The following NIBAN2 variants were observed in gnomAD, a reference collection of about 807,000 sequenced individuals.
NIBAN2 encodes the protein niban apoptosis regulator 2.
In NIBAN2, 36 loss-of-function variants were observed where a neutral mutation model predicts 81.8. That is an observed-to-expected ratio of 0.44 (90% CI 0.34 to 0.58). The LOEUF is 0.58. Ranked by LOEUF, NIBAN2 falls within the 20% of genes least tolerant of loss-of-function variation. The pLI is 0.02. For synonymous variants in NIBAN2, 445 were observed against 441.6 expected, an observed-to-expected ratio of 1.01 and a Z score of -0.10; for missense variants, 897 against 1,014.1, an observed-to-expected ratio of 0.88 and a Z score of 1.57.
Position 127,559,890 on chromosome 9 carries a change from T to C in NIBAN2, c.55+8930A>G, listed in dbSNP as rs987313168. ...TAACAGTGGATGAACCAGGAGCCGA[T>C]GCTCCCTAAGCACAAAGAGCTAAGG... is the stretch of plus-strand genomic sequence containing the variant. On this transcript the variant is annotated intron_variant, in intron 1 of 13. Transcript: ENST00000373312. This position sits in a 1 kb window ranked among gnomAD's most constrained non-coding sequence, Gnocchi z 4.0. 3.3e-5 allele frequency among the ~76,000 whole-genome samples: 5 copies of C among 152,156 alleles called. No homozygotes were observed. The highest frequency in any genetic ancestry group is 6.5e-5 in the Admixed American group (1 of 15,268).
At chr9:127,576,352 G>A (rs997491742) in intron 1 of NIBAN2, among the ~76,000 whole-genome samples, 1 of 152,136 alleles carries the variant, frequency 6.6e-6, no homozygotes, top group South Asian at 2.1e-4. Context: ...TTCCAGGAAG[G>A]GGGTGCCTTA....
At chr9:127,542,355 G>C (rs992609067) in intron 1 of NIBAN2, among the ~76,000 whole-genome samples, 1 of 152,156 alleles carries the variant, frequency 6.6e-6, no homozygotes, top group Non-Finnish European at 1.5e-5. Context: ...CCTCCTGGTG[G>C]GTAAAGGTCT....
rs567553484 is a variant in NIBAN2 at position 127,551,576 on chromosome 9, C to T, written c.55+17244G>A. ...ATAAATAAATACAAAATTAGCCAGG[C>T]GTGGTGCACATGCCTGTAGTCTCAG... is the stretch of plus-strand genomic sequence containing the variant. On this transcript the variant is annotated intron_variant, in intron 1 of 13. Coordinates refer to ENST00000373312, the MANE Select transcript of NIBAN2 (RefSeq NM_022833.4). Among the ~76,000 whole-genome samples the T allele has an allele frequency of 3.3e-5, 5 of 150,222 alleles. No individual in the cohort carries two copies. In the South Asian group the frequency reaches 8.5e-4, roughly 26 times the overall value.
In NIBAN2 at chr9:127,508,850, G is replaced by A. The variant is rs1836669778; in HGVS notation, c.1317+126C>T. On this transcript the variant is annotated intron_variant, in intron 10 of 13. Coordinates refer to ENST00000373312, the MANE Select transcript of NIBAN2 (RefSeq NM_022833.4). The surrounding 1 kb of genome is among the most constrained non-coding windows in gnomAD (Gnocchi z 6.4). ...GGCACAGATGTTCCAAGCAGAGGAG[G>A]AGAGAGCGTGCCAGGCAAGCGTGGC... 3.7e-6 allele frequency: 4 copies of A among 1,077,670 alleles called. No individual in the cohort carries two copies. In the South Asian group the frequency reaches 5.2e-5, roughly 14 times the overall value. The allele number at this position is 1,077,670 out of a possible 1,614,324, so 66.8% of individuals were successfully genotyped here.
chr9:127,565,764 G>A lies in NIBAN2; in HGVS notation c.55+3056C>T, dbSNP rs192533835. 8.3e-3 allele frequency among the ~76,000 whole-genome samples: 1,069 copies of A among 128,740 alleles called. 15 individuals carry two copies. The highest frequency in any genetic ancestry group is 0.03 in the African/African-American group (1,006 of 33,054). The allele number at this position is 128,740 out of a possible 152,430, so 84.5% of individuals were successfully genotyped here. A position where few individuals can be genotyped will look rare whatever the true frequency, so the allele number is the denominator to read the frequency against. ...TGCCACTGGACTCCAGCCTGGGACAGAGAGTGAGACTCTGTCTCAAAAAAA... is the reference window on the plus strand; with the variant it reads ...TGCCACTGGACTCCAGCCTGGGACAAAGAGTGAGACTCTGTCTCAAAAAAA... On this transcript the variant is annotated intron_variant, in intron 1 of 13. Coordinates refer to ENST00000373312, the MANE Select transcript of NIBAN2 (RefSeq NM_022833.4).
At chr9:127,561,903 C>T (rs1353379607) in intron 1 of NIBAN2, among the ~76,000 whole-genome samples, 3 of 152,232 alleles carry the variant, frequency 2.0e-5, no homozygotes, top group African/African-American at 7.2e-5. Context: ...TGCCCAGCAG[C>T]GTCTACAGAA....
chr9:127,569,853 A>G (rs999707483), upstream of NIBAN2, among the ~76,000 whole-genome samples: 2 of 152,230 alleles, frequency 1.3e-5, no homozygotes, highest in Non-Finnish European at 2.9e-5. Context: ...AAATCAGAAA[A>G]GGAAAAAGCA....
At chr9:127,574,981 C>T (rs1432897008) in intron 1 of NIBAN2, among the ~76,000 whole-genome samples, 2 of 152,236 alleles carry the variant, frequency 1.3e-5, no homozygotes. Flanking sequence ...TCCCTGCCTC[C>T]AGCCCCCCAT....
chr9:127,574,675 C>G (rs1419261782), intron 1 of NIBAN2, among the ~76,000 whole-genome samples: 1 of 152,130 alleles, frequency 6.6e-6, no homozygotes, highest in Non-Finnish European at 1.5e-5. Context: ...AGAAAAAAAA[C>G]AAACACCTCC....
chr9:127,507,156 G>A lies in NIBAN2; in HGVS notation c.1930C>T (p.Pro644Ser), dbSNP rs1467060235. The A allele has an allele frequency of 4.3e-6, 7 of 1,610,392 alleles. No individual in the cohort carries two copies. The African/African-American group carries it at 6.7e-5, about 15-fold the overall frequency. The change falls in exon 14 of 14, where the codon CCT (proline) becomes TCT (serine). Residue 644 changes from proline to serine, a missense_variant. Pro to Ser is a moderately conservative substitution (Grantham distance 74, BLOSUM62 -1). Coordinates refer to ENST00000373312, the MANE Select transcript of NIBAN2 (RefSeq NM_022833.4). The surrounding 1 kb of genome is among the most constrained non-coding windows in gnomAD (Gnocchi z 6.8). ...PFEASPESPP[P>S]ASPDGVTEIR... is the part of the protein sequence containing the mutation. The stretch of plus-strand genomic sequence containing the variant: ...TCAGTGACACCGTCCGGGGACGCAG[G>A]TGGTGGTGACTCAGGGCTAGCCTCA...
At position 127,509,056 on chromosome 9, in the gene NIBAN2, G is replaced by A. The variant is rs757701903; in HGVS notation, c.1237C>T (p.Arg413Ter). ...AATCGCTGCTGCAGCCCGTCCAGTC[G>A]CAGCGACTCCATCTTCTCATAGCAG... is the stretch of plus-strand genomic sequence containing the variant. ...QSCYEKMESL[R>*]LDGLQQRFDV... Residue 413 changes from arginine (R) to a stop codon, truncating the protein, a stop_gained, in exon 10 of 14, where the codon CGA becomes TGA. Coordinates refer to ENST00000373312, the MANE Select transcript of NIBAN2 (RefSeq NM_022833.4). LOFTEE classifies it high-confidence loss of function. The A allele has an allele frequency of 1.9e-6, 3 of 1,613,714 alleles. No individual in the cohort carries two copies. Among genetic ancestry groups the A allele is most frequent in the Admixed American group, 1.7e-5 (1 of 59,980 alleles).
upstream of NIBAN2, among the ~76,000 whole-genome samples, chr9:127,572,673 A>C (rs1343462752): frequency 6.6e-6 from 1 of 152,066 alleles, no homozygotes; most frequent in Non-Finnish European, 1.5e-5. Context: ...TCTGCCTCCT[A>C]CTGTCCTCAC....
At position 127,527,247 on chromosome 9, in the gene NIBAN2, G is replaced by C; in HGVS notation, c.262C>G (p.Arg88Gly). ...HQEDSKKWRN[R>G]FSLVPHNYGL... is the part of the protein sequence containing the mutation. ...TAGTTGTGGGGCACGAGGCTGAAGC[G>C]GTTTCTCCACTTCTTGCTGTCCTCC... Residue 88 changes from arginine to glycine, a missense_variant, in exon 3 of 14, where the codon CGC becomes GGC. Arg to Gly is a moderately radical substitution (Grantham distance 125). Around this residue, in one of 3 missense-constraint regions of NIBAN2, gnomAD observed 209 missense variants for 208.4 expected, o/e 1.00. Transcript: ENST00000373312. 1 of 1,614,046 alleles carries C rather than the reference G, an allele frequency of 6.2e-7. No individual in the cohort carries two copies. Among genetic ancestry groups the C allele is most frequent in the Non-Finnish European group, 8.5e-7 (1 of 1,180,018 alleles).
chr9:127,545,976 G>A lies in NIBAN2; in HGVS notation c.56-14198C>T, dbSNP rs896887945. Among the ~76,000 whole-genome samples the A allele has an allele frequency of 6.6e-6, 1 of 152,120 alleles. No homozygotes were observed. Among genetic ancestry groups the A allele is most frequent in the African/African-American group, 2.4e-5 (1 of 41,424 alleles). ...GGCATGCCTGCCGTCTGGGAACACA[G>A]ATCCTCGCTGGGAGGGCAGCCCAGG... On this transcript the variant is annotated intron_variant, in intron 1 of 13. Transcript: ENST00000373312. The surrounding 1 kb of genome is among the most constrained non-coding windows in gnomAD (Gnocchi z 4.7).
At chr9:127,527,570 G>C (rs1021053650) in intron 2 of NIBAN2, among the ~76,000 whole-genome samples, 2 of 152,222 alleles carry the variant, frequency 1.3e-5, no homozygotes, top group African/African-American at 4.8e-5. Context: ...GTGATGCCAG[G>C]ACTTGAACCC....
chr9:127,505,743 G>C lies in NIBAN2; in HGVS notation c.*1102C>G, dbSNP rs1836580752. 1 of 152,468 alleles carries C rather than the reference G, an allele frequency of 6.6e-6. No individual in the cohort carries two copies. The highest frequency in any genetic ancestry group is 1.5e-5 in the Non-Finnish European group (1 of 68,130). 9.4% of individuals were successfully genotyped at this position (152,468 alleles called of 1,614,324 possible). On this transcript the variant is annotated 3_prime_UTR_variant, in exon 14 of 14. Coordinates refer to ENST00000373312, the MANE Select transcript of NIBAN2 (RefSeq NM_022833.4). ...GGCTTGACCCTTGTCCCAGGAACAAGAAGCTGAGGAGGGACGACAGCCAGG... is the reference window on the plus strand; with the variant it reads ...GGCTTGACCCTTGTCCCAGGAACAACAAGCTGAGGAGGGACGACAGCCAGG...
chr9:127,557,999 G>T (rs750058346), intron 1 of NIBAN2, among the ~76,000 whole-genome samples: 1 of 152,098 alleles, frequency 6.6e-6, no homozygotes, highest in Non-Finnish European at 1.5e-5. Flanking sequence ...CTGACCCCAG[G>T]AGAGTCCTAG....
chr9:127,534,170 G>C (rs1258909771), intron 1 of NIBAN2, among the ~76,000 whole-genome samples: 2 of 152,238 alleles, frequency 1.3e-5, no homozygotes, highest in Non-Finnish European at 1.5e-5. Context: ...CATGCACTGA[G>C]AGGCTGCATT....
At chr9:127,543,267 C>T (rs771368995) in intron 1 of NIBAN2, among the ~76,000 whole-genome samples, 13 of 152,190 alleles carry the variant, frequency 8.5e-5, no homozygotes, top group Admixed American at 1.3e-4. Flanking sequence ...ATGGGTGTCA[C>T]GCTGGCTGGG....
Sources: allele counts gnomAD v4.1 joint callset (sites outside exome capture counted in the v4.1 genomes callset), GRCh38; gene constraint gnomAD v4.1.1; regional missense constraint gnomAD v4.1.1; non-coding constraint Gnocchi (gnomAD v3.1); transcripts MANE v1.5; gene names NCBI Gene and HGNC (gene_info 2026-07-23, HGNC 2026-07-21).